The following FZD3 variants were observed in gnomAD, a reference collection of about 807,000 sequenced individuals.
FZD3 encodes the protein frizzled-3.
In FZD3, 30 loss-of-function variants were observed where a neutral mutation model predicts 60.7. The ratio of observed to expected loss-of-function variants is 0.49; its 90% CI spans 0.37 to 0.67. FZD3 has a LOEUF of 0.67. FZD3 is among the 30% of genes least tolerant of loss of function. The pLI is 0.00. For synonymous variants in FZD3, 246 were observed against 275.2 expected, an observed-to-expected ratio of 0.89 and a Z score of 1.05; for missense variants, 605 against 838.7, an observed-to-expected ratio of 0.72 and a Z score of 3.44.
At position 28,528,158 on chromosome 8, in the gene FZD3, A is replaced by G. The variant is rs775987296; in HGVS notation, c.1398A>G (p.Pro466=). The G allele has an allele frequency of 1.6e-5, 25 of 1,605,876 alleles. 1 individual carries two copies. The highest frequency in any genetic ancestry group is 1.7e-4 in the Middle Eastern group (1 of 6,034). The change falls in exon 5 of 8, where the codon CCA becomes CCG. Residue 466 remains proline (P), a synonymous_variant. Coordinates refer to ENST00000240093, the MANE Select transcript of FZD3 (RefSeq NM_017412.4). ...ERCREYHIPC[P]YQVTQMSRPD... ...GCAGAGAATATCACATTCCATGTCC[A>G]TATCAGGTAAGGGAAACCTTGTTAC...
chr8:28,529,020 A>G (rs1391819447), intron 5 of FZD3, among the ~76,000 whole-genome samples: 1 of 152,102 alleles, frequency 6.6e-6, no homozygotes, highest in South Asian at 2.1e-4. Flanking sequence ...AGCTCAAGCA[A>G]TCCTCCTGCC....
At chr8:28,541,954 C>T (rs573425463) in intron 5 of FZD3, among the ~76,000 whole-genome samples, 122 of 152,272 alleles carry the variant, frequency 8.0e-4, no homozygotes, top group African/African-American at 2.8e-3. Context: ...TCCTATTCAA[C>T]TTCATGCTTC....
rs139605286 is a variant in FZD3, at chr8:28,514,993, G to A, written c.190-5645G>A. Among the ~76,000 whole-genome samples, 17 of 152,318 alleles carry A rather than the reference G, an allele frequency of 1.1e-4. No individual in the cohort carries two copies. In the East Asian group the frequency reaches 3.3e-3, roughly 29 times the overall value. On this transcript the variant is annotated intron_variant, in intron 3 of 7. Coordinates refer to ENST00000240093, the MANE Select transcript of FZD3 (RefSeq NM_017412.4). Reference sequence around the variant, plus strand: ...TGTTAAATGCAAGGGCTCTGGATAAGAATGCCAAGATTTGCCTTAATCTTG... The same window carrying A: ...TGTTAAATGCAAGGGCTCTGGATAAAAATGCCAAGATTTGCCTTAATCTTG...
chr8:28,537,533 A>C (rs934049268), intron 5 of FZD3, among the ~76,000 whole-genome samples: 1 of 35,188 alleles, frequency 2.8e-5, no homozygotes, highest in Non-Finnish European at 7.4e-5. Flanking sequence ...CTATGGTACA[A>C]CTACTCAGCT....
intron 5 of FZD3, among the ~76,000 whole-genome samples, chr8:28,541,105 T>G (rs1461027674): frequency 6.6e-6 from 1 of 152,056 alleles, no homozygotes; most frequent in East Asian, 1.9e-4. Context: ...TTTTTGTGTC[T>G]CTGTGTGATT....
At chr8:28,522,802 G>A (rs1376613343) in intron 4 of FZD3, among the ~76,000 whole-genome samples, 6 of 120,716 alleles carry the variant, frequency 5.0e-5, no homozygotes, top group Admixed American at 1.1e-4. Context: ...ATGGAGTCTC[G>A]CTCTGTCACC....
Position 28,524,658 on chromosome 8 carries a change from C to T in FZD3, c.387-2489C>T, listed in dbSNP as rs113718466. Among the ~76,000 whole-genome samples the T allele has an allele frequency of 9.1e-3, 1,386 of 152,242 alleles. 24 individuals are homozygous for T. Among genetic ancestry groups the T allele is most frequent in the African/African-American group, 0.031 (1,297 of 41,538 alleles). ...TTGAATAATGGTGCTTCCCAGAGTT[C>T]GGTTCCTGTTCTCCACAGCCCTCCC... On this transcript the variant is annotated intron_variant, in intron 4 of 7. Coordinates refer to ENST00000240093, the MANE Select transcript of FZD3 (RefSeq NM_017412.4).
At chr8:28,503,252 T>A (rs1000896282) in intron 3 of FZD3, 50 bp downstream of exon 3, 9 of 1,131,048 alleles carry the variant, frequency 8.0e-6, no homozygotes, top group Non-Finnish European at 1.2e-5. Flanking sequence ...ACTCTTGTGT[T>A]GTCCCATCAG....
At chr8:28,522,674 ATTTG>A (rs1804614465) in intron 4 of FZD3, among the ~76,000 whole-genome samples, 1 of 150,746 alleles carries the variant, frequency 6.6e-6, no homozygotes, top group Admixed American at 6.6e-5. Context: ...TATTTTTTTA[ATTTG>A]TTTTGATAGG....
At chr8:28,497,909 A>G (rs1458915492) in intron 1 of FZD3, among the ~76,000 whole-genome samples, 3 of 152,120 alleles carry the variant, frequency 2.0e-5, no homozygotes, top group Non-Finnish European at 4.4e-5. Context: ...CAAGATTGGA[A>G]TCCCTTCCCT....
At chr8:28,546,306 T>C (rs185431412) in intron 5 of FZD3, among the ~76,000 whole-genome samples, 27 of 152,354 alleles carry the variant, frequency 1.8e-4, no homozygotes, top group Admixed American at 1.7e-3. Context: ...TTCAGTGATA[T>C]CACACTGGTT....
In FZD3 at chr8:28,521,731, A is replaced by G. The variant is rs185061182; in HGVS notation, c.386+897A>G. ...CAATACAGCTTTTTTGTATGTATCT[A>G]TCTATGTTTGTACCTGTAACCTGTA... On this transcript the variant is annotated intron_variant, in intron 4 of 7. Transcript: ENST00000240093. Among the ~76,000 whole-genome samples the G allele has an allele frequency of 2.0e-5, 3 of 152,224 alleles. No homozygotes were observed. The East Asian group carries it at 5.8e-4, about 29-fold the overall frequency.
intron 7 of FZD3, among the ~76,000 whole-genome samples, chr8:28,561,262 C>T (rs768491445): frequency 9.9e-5 from 15 of 152,072 alleles, no homozygotes; most frequent in East Asian, 5.8e-4. Context: ...TTACCACATT[C>T]GCCAGGCTGG....
intron 1 of FZD3, among the ~76,000 whole-genome samples, chr8:28,498,847 G>C (rs1447359973): frequency 6.6e-6 from 1 of 152,200 alleles, no homozygotes; most frequent in Non-Finnish European, 1.5e-5. Flanking sequence ...TTACAGGCGT[G>C]AGCCACTGTG....
rs1585198916 is a variant in FZD3 at position 28,565,840 on chromosome 8, A to G, written c.*2829A>G. 6.6e-6 allele frequency: 1 copy of G among 152,168 alleles called. No individual in the cohort carries two copies. The highest frequency in any genetic ancestry group is 1.5e-5 in the Non-Finnish European group (1 of 67,992). The allele number at this position is 152,168 out of a possible 1,614,324, so 9.4% of individuals were successfully genotyped here. ...AATAAGTCTGGACAGTTTTCCTACCATATGTTTAACTTTGATTGGCATATG... is the reference window on the plus strand; with the variant it reads ...AATAAGTCTGGACAGTTTTCCTACCGTATGTTTAACTTTGATTGGCATATG... On this transcript the variant is annotated 3_prime_UTR_variant, in exon 8 of 8. Coordinates refer to ENST00000240093, the MANE Select transcript of FZD3 (RefSeq NM_017412.4).
In FZD3 at chr8:28,527,099, A is replaced by C; in HGVS notation, c.387-48A>C. Reference sequence around the variant, plus strand: ...GAAATCCAAACTGTTAGATCGTGATAGATTTCCCCATAAGTAAAAATAGTT... The same window carrying C: ...GAAATCCAAACTGTTAGATCGTGATCGATTTCCCCATAAGTAAAAATAGTT... On this transcript the variant is annotated intron_variant, in intron 4 of 7. Transcript: ENST00000240093. This position sits in a 1 kb window ranked among gnomAD's most constrained non-coding sequence, Gnocchi z 5.0. 1 of 1,482,018 alleles carries C rather than the reference A, an allele frequency of 6.7e-7. No homozygotes were observed. The highest frequency in any genetic ancestry group is 1.4e-5 in the African/African-American group (1 of 71,276). The allele number at this position is 1,482,018 out of a possible 1,614,324, so 91.8% of individuals were successfully genotyped here. A position where few individuals can be genotyped will look rare whatever the true frequency, so the allele number is the denominator to read the frequency against.
Position 28,528,067 on chromosome 8 carries a change from T to A in FZD3, c.1307T>A (p.Ile436Asn). 1 of 1,613,998 alleles carries A rather than the reference T, an allele frequency of 6.2e-7. No individual in the cohort carries two copies. The highest frequency in any genetic ancestry group is 1.3e-5 in the African/African-American group (1 of 75,042). Reference protein sequence around the residue: ...ILYLVPLLVVIGCYFYEQAYR... With the variant: ...ILYLVPLLVVNGCYFYEQAYR... ...TATCTCGTACCACTCTTGGTTGTAA[T>A]TGGATGCTACTTTTATGAGCAAGCT... Residue 436 changes from isoleucine (I) to asparagine (N), a missense_variant, in exon 5 of 8, where the codon ATT (isoleucine) becomes AAT (asparagine). Physicochemically the swap from Ile to Asn is moderately radical, Grantham distance 149. Transcript: ENST00000240093.
chr8:28,553,061 C>T (rs1007270349), intron 6 of FZD3, among the ~76,000 whole-genome samples: 3 of 152,100 alleles, frequency 2.0e-5, no homozygotes, highest in Non-Finnish European at 4.4e-5. Context: ...ATTTTGGCAC[C>T]CACAGGGGGT....
rs1188276102 is a variant in FZD3, at chr8:28,565,340, C to A, written c.*2329C>A. On this transcript the variant is annotated 3_prime_UTR_variant, in exon 8 of 8. Coordinates refer to ENST00000240093, the MANE Select transcript of FZD3 (RefSeq NM_017412.4). ...ATAACCGACAATTAGTAAACATTTTCTCTGAAAGCCAAACATATAACAACT... is the reference window on the plus strand; with the variant it reads ...ATAACCGACAATTAGTAAACATTTTATCTGAAAGCCAAACATATAACAACT... 1 of 152,162 alleles carries A rather than the reference C, an allele frequency of 6.6e-6. No homozygotes were observed. Among genetic ancestry groups the A allele is most frequent in the African/African-American group, 2.4e-5 (1 of 41,432 alleles). The allele number at this position is 152,162 out of a possible 1,614,324, so 9.4% of individuals were successfully genotyped here.
Sources: gnomAD v4.1 joint callset for allele counts (sites outside exome capture counted in the v4.1 genomes callset) on GRCh38, gnomAD v4.1.1 for gene constraint, Gnocchi (gnomAD v3.1) non-coding constraint, MANE v1.5 for transcripts, NCBI Gene and HGNC (gene_info 2026-07-23, HGNC 2026-07-21) for gene names.